RFX1: variants seen among roughly 807,000 people sequenced by gnomAD.
The protein encoded by RFX1 is regulatory factor X1.
Under a neutral mutation model 119.6 loss-of-function variants are expected in RFX1, and 42 were observed. That is an observed-to-expected ratio of 0.35 (90% confidence interval 0.27 to 0.45). RFX1 has a LOEUF of 0.45. RFX1 is among the 20% of genes least tolerant of loss of function. The pLI is 1.00. For synonymous variants in RFX1, 628 were observed against 618.5 expected, an observed-to-expected ratio of 1.02 and a Z score of -0.23; for missense variants, 1,118 against 1,368.1, an observed-to-expected ratio of 0.82 and a Z score of 2.88.
Position 13,965,897 on chromosome 19 carries a change from A to G in RFX1, c.1962-120T>C, listed in dbSNP as rs1973881051. 7 of 1,222,006 alleles carry G rather than the reference A, an allele frequency of 5.7e-6. No individual in the cohort carries two copies. In the East Asian group the frequency reaches 1.7e-4, roughly 29 times the overall value. The allele number at this position is 1,222,006 out of a possible 1,614,324, so 75.7% of individuals were successfully genotyped here. ...GGTCACTGGGGTACTCTGTGGTTCTACCCCCAGCATCAGAAGGCACAGGTA... is the reference window on the plus strand; with the variant it reads ...GGTCACTGGGGTACTCTGTGGTTCTGCCCCCAGCATCAGAAGGCACAGGTA... On this transcript the variant is annotated intron_variant, in intron 14 of 20. Transcript: ENST00000254325. The surrounding 1 kb of genome is among the most constrained non-coding windows in gnomAD (Gnocchi z 4.7).
rs1305319891 is a variant in RFX1 at position 13,980,572 on chromosome 19, C to T, written c.738+1G>A. On this transcript the variant is annotated splice_donor_variant, in intron 6 of 20. Transcript: ENST00000254325. LOFTEE classifies it high-confidence loss of function. The surrounding 1 kb of genome is among the most constrained non-coding windows in gnomAD (Gnocchi z 5.1). The stretch of plus-strand genomic sequence containing the variant: ...AGCCACTGCCCGCCTTGGCCTGGCA[C>T]CTCTTGGGTGACGGGGACACTCTGC... 1 of 1,562,570 alleles carries T rather than the reference C, an allele frequency of 6.4e-7. No individual in the cohort carries two copies. Among genetic ancestry groups the T allele is most frequent in the South Asian group, 1.2e-5 (1 of 86,320 alleles).
At position 13,978,068 on chromosome 19, in the gene RFX1, C is replaced by G. The variant is rs763782834; in HGVS notation, c.853G>C (p.Val285Leu). ...VAQEVQQLQQ[V>L]PVPHVYSSQV... ...CTGGAGTACACGTGTGGGACGGGCA[C>G]CTGCTGGAGCTGCTGCACCTGGGGC... Residue 285 changes from valine to leucine, a missense_variant, in exon 8 of 21, where the codon GTG (valine) becomes CTG (leucine). Coordinates refer to ENST00000254325, the MANE Select transcript of RFX1 (RefSeq NM_002918.5). 3 of 1,613,152 alleles carry G rather than the reference C, an allele frequency of 1.9e-6. No homozygotes were observed. The highest frequency in any genetic ancestry group is 1.6e-4 in the Middle Eastern group (1 of 6,078).
chr19:13,982,741 T>C (rs947494413), intron 4 of RFX1, among the ~76,000 whole-genome samples: 2 of 151,920 alleles, frequency 1.3e-5, no homozygotes, highest in South Asian at 2.1e-4. Context: ...GAGGCGGAGG[T>C]TGCAGTGAGC....
At position 13,968,725 on chromosome 19, in the gene RFX1, G is replaced by A. The variant is rs753375764; in HGVS notation, c.1617-45C>T. The A allele has an allele frequency of 3.1e-6, 5 of 1,609,470 alleles. No individual in the cohort carries two copies. Among genetic ancestry groups the A allele is most frequent in the South Asian group, 2.2e-5 (2 of 90,872 alleles). ...TGGGCCGGCTGCTGGGGGCCGGCCT[G>A]TGTGCCCTTCCCCGCCTGCCCTGCC... On this transcript the variant is annotated intron_variant, in intron 11 of 20. Coordinates refer to ENST00000254325, the MANE Select transcript of RFX1 (RefSeq NM_002918.5). This position sits in a 1 kb window ranked among gnomAD's most constrained non-coding sequence, Gnocchi z 5.5.
chr19:13,963,309 C>T, intron 18 of RFX1, 34 bp from the exon 19 acceptor site: 1 of 1,577,358 alleles, frequency 6.3e-7, no homozygotes. Flanking sequence ...ACCGTCAGGC[C>T]CCGTCCGGCC....
At chr19:13,978,395 G>C (rs926812937) in intron 7 of RFX1, among the ~76,000 whole-genome samples, 1 of 152,128 alleles carries the variant, frequency 6.6e-6, no homozygotes, top group African/African-American at 2.4e-5. Context: ...ACAGGGGCAA[G>C]GCTATCGCTG....
chr19:13,997,882 A>G (rs1367448017), intron 1 of RFX1, among the ~76,000 whole-genome samples: 1 of 152,076 alleles, frequency 6.6e-6, no homozygotes, highest in Non-Finnish European at 1.5e-5. Context: ...GTGAGAGGGA[A>G]AAGGCTGCTG....
intron 1 of RFX1, among the ~76,000 whole-genome samples, chr19:14,001,667 G>C (rs7258194): frequency 0.011 from 1,633 of 152,346 alleles, 37 homozygotes; most frequent in African/African-American, 0.037. Flanking sequence ...CCCACAGGCA[G>C]AGACCTGGTG....
chr19:13,965,858 T>G lies in RFX1; in HGVS notation c.1962-81A>C, dbSNP rs1973879450. 1 of 1,510,606 alleles carries G rather than the reference T, an allele frequency of 6.6e-7. No homozygotes were observed. Among genetic ancestry groups the G allele is most frequent in the African/African-American group, 1.4e-5 (1 of 73,116 alleles). 93.6% of individuals were successfully genotyped at this position (1,510,606 alleles called of 1,614,324 possible). On this transcript the variant is annotated intron_variant, in intron 14 of 20. Coordinates refer to ENST00000254325, the MANE Select transcript of RFX1 (RefSeq NM_002918.5). The surrounding 1 kb of genome is among the most constrained non-coding windows in gnomAD (Gnocchi z 4.7). Reference sequence around the variant, plus strand: ...TCGTCAGAAGGGAACAGGTAGCCCCTGTCCCTGACCCAGGGTCACTGGGGT... The same window carrying G: ...TCGTCAGAAGGGAACAGGTAGCCCCGGTCCCTGACCCAGGGTCACTGGGGT...
Position 13,969,620 on chromosome 19 carries a change from C to T in RFX1, c.1496+374G>A. 1 of 186,742 alleles carries T rather than the reference C, an allele frequency of 5.4e-6. No homozygotes were observed. The highest frequency in any genetic ancestry group is 1.4e-4 in the East Asian group (1 of 7,400). 11.6% of individuals were successfully genotyped at this position (186,742 alleles called of 1,614,324 possible). A position where few individuals can be genotyped will look rare whatever the true frequency, so the allele number is the denominator to read the frequency against. On this transcript the variant is annotated intron_variant, in intron 10 of 20. Transcript: ENST00000254325. This position sits in a 1 kb window ranked among gnomAD's most constrained non-coding sequence, Gnocchi z 4.5. ...GTTGCAGTGAGCCGAGATTGAGTCA[C>T]TGCACTCCAGCCTGGGCCACAGAGT...
In RFX1 at chr19:13,965,665, C is replaced by A. The variant is rs1334961887; in HGVS notation, c.2074G>T (p.Val692Leu). Residue 692 changes from valine (V) to leucine (L), a missense_variant, in exon 15 of 21, where the codon GTG becomes TTG. Around this residue, in one of 5 missense-constraint regions of RFX1, gnomAD observed 338 missense variants for 508.9 expected, o/e 0.66. Coordinates refer to ENST00000254325, the MANE Select transcript of RFX1 (RefSeq NM_002918.5). The surrounding 1 kb of genome is among the most constrained non-coding windows in gnomAD (Gnocchi z 4.7). ...AGCACGTCGGGAATGAGGATTTCCA[C>A]CAGGCCCTGGTACAGCACGTTGTCA... Reference protein sequence around the residue: ...HCDNVLYQGLVEILIPDVLRP... With the variant: ...HCDNVLYQGLLEILIPDVLRP... 1 of 1,613,806 alleles carries A rather than the reference C, an allele frequency of 6.2e-7. No homozygotes were observed. The highest frequency in any genetic ancestry group is 1.7e-5 in the Admixed American group (1 of 60,014).
chr19:14,006,774 G>T (rs991585235), upstream of RFX1: 1 of 152,268 alleles, frequency 6.6e-6, no homozygotes, highest in Non-Finnish European at 1.5e-5. Context: ...GAGAAAGGAA[G>T]ACTCCGCTCC....
At position 13,973,103 on chromosome 19, in the gene RFX1, G is replaced by A. The variant is rs139046232; in HGVS notation, c.954C>T (p.Pro318=). ...SAIRSSTYSY[P]ETPLYTQTAS... ...CCGTCTGCGTGTACAGCGGCGTCTC[G>A]GGATAGGAGTAGGTGCTGGAACGGC... The change falls in exon 9 of 21, where the codon CCC becomes CCT. Residue 318 remains proline (P), a synonymous_variant. Coordinates refer to ENST00000254325, the MANE Select transcript of RFX1 (RefSeq NM_002918.5). The A allele has an allele frequency of 2.6e-5, 42 of 1,599,796 alleles. No homozygotes were observed. The highest frequency in any genetic ancestry group is 2.5e-4 in the African/African-American group (19 of 74,866).
rs1023178700 is a variant in RFX1 at position 13,976,244 on chromosome 19, C to T, written c.929+1748G>A. Among the ~76,000 whole-genome samples, 4 of 152,262 alleles carry T rather than the reference C, an allele frequency of 2.6e-5. 1 individual carries two copies. Among genetic ancestry groups the T allele is most frequent in the African/African-American group, 9.6e-5 (4 of 41,478 alleles). Reference sequence around the variant, plus strand: ...CGGTCAGAGCATCATGACCCTAGGACTAAGTCGATCCATGAGCTAACCAAT... The same window carrying T: ...CGGTCAGAGCATCATGACCCTAGGATTAAGTCGATCCATGAGCTAACCAAT... On this transcript the variant is annotated intron_variant, in intron 8 of 20. Transcript: ENST00000254325.
At position 13,993,855 on chromosome 19, in the gene RFX1, G is replaced by T. The variant is rs781602326; in HGVS notation, c.-12C>A. On this transcript the variant is annotated 5_prime_UTR_variant, in exon 2 of 21. Coordinates refer to ENST00000254325, the MANE Select transcript of RFX1 (RefSeq NM_002918.5). ...GCCTGTGTTGCCATGCCAACGGTGG[G>T]GAAAATGATAATAAATAAGGCTTTT... 2.0e-6 allele frequency: 3 copies of T among 1,530,986 alleles called. No individual in the cohort carries two copies. The South Asian group carries it at 3.7e-5, about 19-fold the overall frequency. The allele number at this position is 1,530,986 out of a possible 1,614,324, so 94.8% of individuals were successfully genotyped here.
chr19:13,975,847 G>T (rs553121943), intron 8 of RFX1, among the ~76,000 whole-genome samples: 1 of 152,242 alleles, frequency 6.6e-6, no homozygotes, highest in Non-Finnish European at 1.5e-5. Flanking sequence ...TCGGGAACTC[G>T]CAGTAATTCA....
chr19:13,972,406 C>G (rs1974111278), intron 9 of RFX1, among the ~76,000 whole-genome samples: 1 of 152,182 alleles, frequency 6.6e-6, no homozygotes, highest in Middle Eastern at 3.4e-3. Context: ...GTTGGTCGGG[C>G]TGGTCTTGAA....
At chr19:13,999,545 A>G (rs1046293352) in intron 1 of RFX1, among the ~76,000 whole-genome samples, 9 of 152,218 alleles carry the variant, frequency 5.9e-5, no homozygotes, top group Non-Finnish European at 1.2e-4. Flanking sequence ...ACTTCATGTA[A>G]TTTTCACATA....
At position 13,966,293 on chromosome 19, in the gene RFX1, A is replaced by G; in HGVS notation, c.1961+128T>C. On this transcript the variant is annotated intron_variant, in intron 14 of 20. Coordinates refer to ENST00000254325, the MANE Select transcript of RFX1 (RefSeq NM_002918.5). The surrounding 1 kb of genome is among the most constrained non-coding windows in gnomAD (Gnocchi z 6.3). ...TCGGGTGGCTATACACACTCCACAC[A>G]GCCAAGGATATGTGTACCCCACAAA... 1 of 624,824 alleles carries G rather than the reference A, an allele frequency of 1.6e-6. No homozygotes were observed. Among genetic ancestry groups the G allele is most frequent in the Non-Finnish European group, 2.8e-6 (1 of 351,702 alleles). The allele number at this position is 624,824 out of a possible 1,614,324, so 38.7% of individuals were successfully genotyped here. A position where few individuals can be genotyped will look rare whatever the true frequency, so the allele number is the denominator to read the frequency against.
Sources: allele counts gnomAD v4.1 joint callset (sites outside exome capture counted in the v4.1 genomes callset), GRCh38; gene constraint gnomAD v4.1.1; regional missense constraint gnomAD v4.1.1; non-coding constraint Gnocchi (gnomAD v3.1); transcripts MANE v1.5; gene names NCBI Gene and HGNC (gene_info 2026-07-23, HGNC 2026-07-21).